The following CAMK2A variants were observed in gnomAD, a reference collection of about 807,000 sequenced individuals.
CAMK2A encodes calcium/calmodulin-dependent protein kinase type II subunit alpha.
In CAMK2A, 7 loss-of-function variants were observed where a neutral mutation model predicts 79.2. The observed-to-expected ratio is 0.09, with a 90% CI of 0.05 to 0.17. CAMK2A has a LOEUF of 0.17. CAMK2A is among the 10% of genes least tolerant of loss of function. CAMK2A has a pLI of 1.00. For missense variants in CAMK2A, 214 were observed against 646.4 expected, an observed-to-expected ratio of 0.33 and a Z score of 7.25; for synonymous variants, 242 against 251.7, an observed-to-expected ratio of 0.96 and a Z score of 0.36.
intron 14 of CAMK2A, among the ~76,000 whole-genome samples, chr5:150,239,463 G>A (rs1037468223): frequency 1.3e-5 from 2 of 152,186 alleles, no homozygotes; most frequent in South Asian, 2.1e-4. Flanking sequence ...CTTCACACCC[G>A]AGGAGGATCT....
chr5:150,242,158 A>G (rs2114047640), intron 13 of CAMK2A, among the ~76,000 whole-genome samples: 1 of 152,200 alleles, frequency 6.6e-6, no homozygotes, highest in Admixed American at 6.5e-5. Context: ...CGGGAGGGGG[A>G]CGTTGCTTCT....
At chr5:150,237,517 T>C (rs1435220815) in intron 15 of CAMK2A, among the ~76,000 whole-genome samples, 3 of 152,140 alleles carry the variant, frequency 2.0e-5, no homozygotes, top group Non-Finnish European at 4.4e-5. Flanking sequence ...CAGCAATCCC[T>C]GCCCCTTCCT....
intron 15 of CAMK2A, among the ~76,000 whole-genome samples, chr5:150,235,952 G>C (rs192719609): frequency 6.6e-6 from 1 of 152,096 alleles, no homozygotes; most frequent in Non-Finnish European, 1.5e-5. Context: ...TCCATCAGAC[G>C]TGGCTTTTGG....
At chr5:150,263,271 G>A (rs1756367502) in intron 3 of CAMK2A, among the ~76,000 whole-genome samples, 1 of 152,162 alleles carries the variant, frequency 6.6e-6, no homozygotes, top group Non-Finnish European at 1.5e-5. Context: ...GAATGAGAGG[G>A]AGAGGGAGGT....
chr5:150,225,041 GGA>G (rs58360121), intron 17 of CAMK2A, among the ~76,000 whole-genome samples: 7,533 of 108,762 alleles, frequency 0.069, 828 homozygotes, highest in African/African-American at 0.27. Context: ...TGGTAGGTAG[GGA>G]GAGAGAGAGA....
At chr5:150,238,809 G>T in intron 14 of CAMK2A, 61 bp from the exon 15 acceptor site, 3 of 1,427,146 alleles carry the variant, frequency 2.1e-6, no homozygotes, top group Non-Finnish European at 2.8e-6. Flanking sequence ...GGCATGGCCA[G>T]GCCCTGGCTG....
chr5:150,240,101 A>G (rs532894159), intron 13 of CAMK2A, among the ~76,000 whole-genome samples: 31 of 152,104 alleles, frequency 2.0e-4, no homozygotes, highest in Non-Finnish European at 4.3e-4. Context: ...CCAGAATCCA[A>G]TGCTCTTGAA....
Position 150,222,134 on chromosome 5 carries a change from T to C in CAMK2A, c.*576A>G. 1 of 245,434 alleles carries C rather than the reference T, an allele frequency of 4.1e-6. No individual in the cohort carries two copies. The highest frequency in any genetic ancestry group is 4.7e-5 in the Admixed American group (1 of 21,314). 15.2% of individuals were successfully genotyped at this position (245,434 alleles called of 1,614,324 possible). On this transcript the variant is annotated 3_prime_UTR_variant, in exon 19 of 19. Coordinates refer to ENST00000671881, the MANE Select transcript of CAMK2A (RefSeq NM_015981.4). ...CACATCCCCCACACCGAGGGAAGGG[T>C]CAGACCACCCTGAGGTCAGCACAGG...
At chr5:150,241,939 C>T (rs747391889) in intron 13 of CAMK2A, among the ~76,000 whole-genome samples, 1 of 152,150 alleles carries the variant, frequency 6.6e-6, no homozygotes, top group Non-Finnish European at 1.5e-5. Context: ...AGCAGAAACC[C>T]GAGGAGCCGC....
rs1754406562 is a variant in CAMK2A, at chr5:150,223,092, G to T, written c.1363C>A (p.Pro455Thr). Reference sequence around the variant, plus strand: ...GTCTCCTCCGACTGGGCGGTGCGTGGGATGCCGCCAGCGTCCAGGTACTGC... The same window carrying T: ...GTCTCCTCCGACTGGGCGGTGCGTGTGATGCCGCCAGCGTCCAGGTACTGC... ...ITQYLDAGGI[P>T]RTAQSEETRV... Residue 455 changes from proline (P) to threonine (T), a missense_variant, in exon 18 of 19, where the codon CCA (proline) becomes ACA (threonine). Physicochemically the swap from Pro to Thr is conservative, Grantham distance 38. Transcript: ENST00000671881. The surrounding 1 kb of genome is among the most constrained non-coding windows in gnomAD (Gnocchi z 4.1). The T allele has an allele frequency of 5.0e-6, 8 of 1,614,194 alleles. No individual in the cohort carries two copies. The highest frequency in any genetic ancestry group is 1.3e-5 in the African/African-American group (1 of 75,072).
At chr5:150,244,409 C>T (rs1008897033) in intron 13 of CAMK2A, among the ~76,000 whole-genome samples, 3 of 152,242 alleles carry the variant, frequency 2.0e-5, no homozygotes, top group South Asian at 2.1e-4. Context: ...CTGGGGCCCT[C>T]GCCAGGCAGG....
At chr5:150,240,750 G>A (rs1755300136) in intron 13 of CAMK2A, among the ~76,000 whole-genome samples, 1 of 152,206 alleles carries the variant, frequency 6.6e-6, no homozygotes, top group African/African-American at 2.4e-5. Context: ...CAGAGCTGAG[G>A]CTAGAACCCA....
chr5:150,226,290 C>T (rs558017490), intron 17 of CAMK2A, among the ~76,000 whole-genome samples: 3 of 152,092 alleles, frequency 2.0e-5, no homozygotes, highest in East Asian at 1.9e-4. Context: ...GTTCTGCCAC[C>T]GGCTTCCTGG....
intron 6 of CAMK2A, among the ~76,000 whole-genome samples, chr5:150,255,699 G>A (rs1756026091): frequency 6.6e-6 from 1 of 152,226 alleles, no homozygotes; most frequent in Admixed American, 6.5e-5. Flanking sequence ...GAGGTTTGAT[G>A]GACATCTGGC....
intron 6 of CAMK2A, among the ~76,000 whole-genome samples, chr5:150,254,998 G>A (rs1258660063): frequency 6.6e-6 from 1 of 152,084 alleles, no homozygotes; most frequent in Non-Finnish European, 1.5e-5. Context: ...ACTGTCTAAA[G>A]CTAGGCTGGA....
At chr5:150,276,773 T>C (rs1289134767) in intron 1 of CAMK2A, among the ~76,000 whole-genome samples, 1 of 151,976 alleles carries the variant, frequency 6.6e-6, no homozygotes, top group African/African-American at 2.4e-5. Flanking sequence ...GCTCAATTAA[T>C]ATATGTGGGT....
intron 2 of CAMK2A, chr5:150,265,440 C>A: frequency 5.9e-6 from 1 of 170,490 alleles, no homozygotes; most frequent in Non-Finnish European, 1.3e-5. Flanking sequence ...CTCCCACCTG[C>A]CGTTCACTGG....
intron 1 of CAMK2A, among the ~76,000 whole-genome samples, chr5:150,287,623 C>G (rs1757477608): frequency 6.6e-6 from 1 of 152,162 alleles, no homozygotes; most frequent in Non-Finnish European, 1.5e-5. Flanking sequence ...AGTCACATCT[C>G]AACTCCATCT....
rs1412973656 is a variant in CAMK2A at position 150,284,276 on chromosome 5, C to T, written c.62+5288G>A. Among the ~76,000 whole-genome samples, 1 of 146,870 alleles carries T rather than the reference C, an allele frequency of 6.8e-6. No homozygotes were observed. Among genetic ancestry groups the T allele is most frequent in the African/African-American group, 2.6e-5 (1 of 38,606 alleles). On this transcript the variant is annotated intron_variant, in intron 1 of 18. Transcript: ENST00000671881. This position sits in a 1 kb window ranked among gnomAD's most constrained non-coding sequence, Gnocchi z 5.3. ...CTGGGAGATGGACTCGTGCTCTATGCCCTGTCACAGCCAGTGTGTGTGTGT... is the reference window on the plus strand; with the variant it reads ...CTGGGAGATGGACTCGTGCTCTATGTCCTGTCACAGCCAGTGTGTGTGTGT...
Sources: allele counts gnomAD v4.1 joint callset (sites outside exome capture counted in the v4.1 genomes callset), GRCh38; gene constraint gnomAD v4.1.1; non-coding constraint Gnocchi (gnomAD v3.1); transcripts MANE v1.5; gene names NCBI Gene and HGNC (gene_info 2026-07-23, HGNC 2026-07-21).